Variants in PTPRK observed in about 807,000 individuals in gnomAD.
PTPRK encodes protein tyrosine phosphatase receptor type K.
PTPRK carries 75 observed loss-of-function variants against 178.0 expected under a neutral mutation model. The ratio of observed to expected loss-of-function variants is 0.42; its 90% CI spans 0.35 to 0.51. The LOEUF (loss-of-function observed/expected upper bound fraction) is 0.51, where lower values mean the gene tolerates loss of function less well. PTPRK is among the 20% of genes least tolerant of loss of function. PTPRK has a pLI of 0.02. For missense variants in PTPRK, 1,441 were observed against 1,797.8 expected (o/e 0.80, Z 3.59); for synonymous variants, 637 against 620.6 (o/e 1.03, Z -0.39).
intron 1 of PTPRK, among the ~76,000 whole-genome samples, chr6:128,510,034 A>G (rs540942316): frequency 2.0e-5 from 3 of 152,348 alleles, no homozygotes; most frequent in African/African-American, 7.2e-5. Flanking sequence ...GACATAAATA[A>G]GACAGAAAAA....
At chr6:128,148,850 T>C (rs1660557906) in intron 7 of PTPRK, among the ~76,000 whole-genome samples, 1 of 152,080 alleles carries the variant, frequency 6.6e-6, no homozygotes, top group Non-Finnish European at 1.5e-5. Flanking sequence ...AACACTAGTG[T>C]ATAGAAAATT....
intron 12 of PTPRK, among the ~76,000 whole-genome samples, chr6:128,066,913 A>G (rs996473246): frequency 2.6e-5 from 4 of 152,122 alleles, no homozygotes; most frequent in East Asian, 3.9e-4. Flanking sequence ...CAAAATGGGA[A>G]AAGGAGGGGC....
At chr6:128,180,404 A>G (rs995931577) in intron 7 of PTPRK, among the ~76,000 whole-genome samples, 1 of 152,140 alleles carries the variant, frequency 6.6e-6, no homozygotes, top group Non-Finnish European at 1.5e-5. Context: ...CTGAAGAAAC[A>G]TTATGTGAAC....
chr6:128,321,685 C>A, intron 3 of PTPRK: 1 of 642,300 alleles, frequency 1.6e-6, no homozygotes. Flanking sequence ...CTATTTCTTC[C>A]TGAACAAAGC....
At chr6:128,398,829 G>T (rs533121373) in intron 1 of PTPRK, among the ~76,000 whole-genome samples, 30 of 152,212 alleles carry the variant, frequency 2.0e-4, no homozygotes, top group African/African-American at 6.5e-4. Flanking sequence ...TTAAACGGGG[G>T]TAGCATTCCC....
chr6:128,350,877 T>C (rs911268363), intron 2 of PTPRK, among the ~76,000 whole-genome samples: 2 of 152,150 alleles, frequency 1.3e-5, no homozygotes, highest in Non-Finnish European at 1.5e-5. Flanking sequence ...ATCTCCAGTT[T>C]AATGTCATAC....
At chr6:128,261,737 T>G (rs1818214016) in intron 3 of PTPRK, among the ~76,000 whole-genome samples, 2 of 152,218 alleles carry the variant, frequency 1.3e-5, no homozygotes, top group Admixed American at 1.3e-4. Context: ...ATCTGGCTAG[T>G]GACTAGCTCA....
chr6:128,197,165 T>A (rs1489166344), intron 6 of PTPRK, among the ~76,000 whole-genome samples: 1 of 146,532 alleles, frequency 6.8e-6, no homozygotes, highest in East Asian at 2.0e-4. Context: ...TTACATTTTT[T>A]AATCTCTTTT....
chr6:127,992,523 T>C (rs1776722301), intron 19 of PTPRK, 150 bp downstream of exon 19: 1 of 579,900 alleles, frequency 1.7e-6, no homozygotes, highest in South Asian at 2.4e-5. Flanking sequence ...CACAATAAAT[T>C]TGTACTATAC....
At chr6:128,345,153 C>T (rs1832258646) in intron 2 of PTPRK, among the ~76,000 whole-genome samples, 2 of 151,612 alleles carry the variant, frequency 1.3e-5, no homozygotes, top group Admixed American at 6.6e-5. Flanking sequence ...ATATATCATA[C>T]ATACATTCAA....
At chr6:128,299,042 G>C (rs1825045752) in intron 3 of PTPRK, among the ~76,000 whole-genome samples, 4 of 152,156 alleles carry the variant, frequency 2.6e-5, no homozygotes, top group Admixed American at 2.6e-4. Flanking sequence ...CAAAATCAAT[G>C]TGCAAAAATC....
chr6:128,156,199 A>T (rs912955310), intron 7 of PTPRK, among the ~76,000 whole-genome samples: 18 of 151,998 alleles, frequency 1.2e-4, no homozygotes, highest in African/African-American at 4.3e-4. Context: ...TATAAATTAG[A>T]CCTGAAATAA....
At chr6:128,117,069 C>T (rs1027078509) in intron 7 of PTPRK, among the ~76,000 whole-genome samples, 5 of 151,956 alleles carry the variant, frequency 3.3e-5, no homozygotes, top group Non-Finnish European at 5.9e-5. Flanking sequence ...TGGCATGAAC[C>T]CGGGAGGCGG....
intron 6 of PTPRK, among the ~76,000 whole-genome samples, chr6:128,208,859 C>A (rs1041999042): frequency 2.6e-5 from 4 of 152,110 alleles, no homozygotes; most frequent in Admixed American, 6.6e-5. Context: ...ATGTTCCTAG[C>A]ACCCCAATCG....
intron 2 of PTPRK, among the ~76,000 whole-genome samples, chr6:128,331,444 T>C (rs1399144362): frequency 6.6e-6 from 1 of 152,152 alleles, no homozygotes; most frequent in African/African-American, 2.4e-5. Flanking sequence ...AAAAATATTT[T>C]TTTAAGTATT....
At chr6:128,213,153 C>A (rs1399300485) in intron 6 of PTPRK, among the ~76,000 whole-genome samples, 1 of 151,924 alleles carries the variant, frequency 6.6e-6, no homozygotes, top group Non-Finnish European at 1.5e-5. Flanking sequence ...TGTCTAGTTT[C>A]TGGTTGCACC....
chr6:128,443,316 G>A (rs1401384102), intron 1 of PTPRK, among the ~76,000 whole-genome samples: 1 of 152,060 alleles, frequency 6.6e-6, no homozygotes, highest in Non-Finnish European at 1.5e-5. Flanking sequence ...ACGTAAGAAG[G>A]AGATGAGGGA....
chr6:128,159,208 G>A (rs1434641222), intron 7 of PTPRK, among the ~76,000 whole-genome samples: 1 of 151,674 alleles, frequency 6.6e-6, no homozygotes, highest in African/African-American at 2.4e-5. Flanking sequence ...CAGAAAAAAA[G>A]AAATTCTGAA....
chr6:128,474,687 C>T (rs1044320631), intron 1 of PTPRK, among the ~76,000 whole-genome samples: 1 of 152,222 alleles, frequency 6.6e-6, no homozygotes, highest in African/African-American at 2.4e-5. Context: ...CATACCAATG[C>T]TCACTGTCAT....
Sources: allele counts gnomAD v4.1 joint callset (sites outside exome capture counted in the v4.1 genomes callset), GRCh38; gene constraint gnomAD v4.1.1; transcripts MANE v1.5; gene names NCBI Gene and HGNC (gene_info 2026-07-23, HGNC 2026-07-21).